Variants in BTF3L4 observed in about 807,000 individuals in gnomAD.
BTF3L4 encodes the protein basic transcription factor 3 like 4.
BTF3L4 carries 6 observed loss-of-function variants against 16.8 expected under a neutral mutation model. The observed-to-expected ratio is 0.36, with a 90% CI of 0.20 to 0.71. The LOEUF is 0.71. Among genes scored for constraint, BTF3L4 ranks in the 30% least tolerant of loss-of-function variants. The probability of loss-of-function intolerance (pLI) is 0.58; values close to 1 mark genes in which losing one functional copy is unlikely to be tolerated. For synonymous variants in BTF3L4, 39 were observed against 59.8 expected (o/e 0.65, Z 1.60); for missense variants, 92 against 186.9 (o/e 0.49, Z 2.96).
intron 1 of BTF3L4, among the ~76,000 whole-genome samples, chr1:52,058,564 G>T (rs2124409179): frequency 6.6e-6 from 1 of 150,932 alleles, no homozygotes; most frequent in South Asian, 2.1e-4. Flanking sequence ...GTAATGATTT[G>T]TTGATCTGCA....
intron 3 of BTF3L4, among the ~76,000 whole-genome samples, chr1:52,079,241 G>T (rs1230169173): frequency 6.6e-6 from 1 of 151,906 alleles, no homozygotes. Context: ...GAATTAGTCG[G>T]GCATGGTGGC....
At chr1:52,059,615 A>G (rs541723742) in intron 1 of BTF3L4, among the ~76,000 whole-genome samples, 2 of 152,186 alleles carry the variant, frequency 1.3e-5, no homozygotes, top group Non-Finnish European at 2.9e-5. Context: ...CTGTTTGTAT[A>G]TTTGATTCCC....
At position 52,087,392 on chromosome 1, in the gene BTF3L4, T is replaced by G. The variant is rs1278037498; in HGVS notation, c.*634T>G. ...TATGGTTGCCTTAGATTAACTTACC[T>G]AGTCAGACCCAGAAGAACTTCTTTT... On this transcript the variant is annotated 3_prime_UTR_variant, in exon 6 of 6. Transcript: ENST00000313334. 6.6e-6 allele frequency: 1 copy of G among 152,246 alleles called. No individual in the cohort carries two copies. The highest frequency in any genetic ancestry group is 1.5e-5 in the Non-Finnish European group (1 of 68,048). 9.4% of individuals were successfully genotyped at this position (152,246 alleles called of 1,614,324 possible). A position where few individuals can be genotyped will look rare whatever the true frequency, so the allele number is the denominator to read the frequency against.
chr1:52,083,532 C>G lies in BTF3L4; in HGVS notation c.361C>G (p.Pro121Ala). 1 of 1,612,176 alleles carries G rather than the reference C, an allele frequency of 6.2e-7. No individual in the cohort carries two copies. The highest frequency in any genetic ancestry group is 8.5e-7 in the Non-Finnish European group (1 of 1,178,560). Residue 121 changes from proline to alanine, a missense_variant, in exon 4 of 6, where the codon CCA becomes GCA. Transcript: ENST00000313334. ...TSLRKLAEQF[P>A]RQVLDSKAPK... ...CCTTAGGAAGTTAGCTGAACAGTTC[C>G]CACGGCAAGGTAGGTATTTCAATTT...
intron 3 of BTF3L4, among the ~76,000 whole-genome samples, chr1:52,068,647 A>G (rs1483991712): frequency 2.0e-5 from 3 of 151,994 alleles, no homozygotes; most frequent in African/African-American, 4.8e-5. Flanking sequence ...ACTTGATTAT[A>G]CTCATTCTTG....
intron 2 of BTF3L4, 93 bp from the exon 3 acceptor site, chr1:52,064,732 T>C (rs1481061197): frequency 1.6e-6 from 1 of 645,124 alleles, no homozygotes; most frequent in Non-Finnish European, 2.7e-6. Flanking sequence ...TTTTTTAATG[T>C]GGGTTTTAGA....
chr1:52,079,950 C>A (rs7556459), intron 3 of BTF3L4, among the ~76,000 whole-genome samples: 137,750 of 149,402 alleles, frequency 0.92, 64,358 homozygotes, highest in Non-Finnish European at 1. Flanking sequence ...GAGCTCACTG[C>A]AACCTCTTCC....
rs1643984565 is a variant in BTF3L4 at position 52,087,696 on chromosome 1, C to T, written c.*938C>T. ...GCTTGCTAAATAATTTTATGCCAGC[C>T]TTATCCTGTATCCTAGCTGTTCTTA... On this transcript the variant is annotated 3_prime_UTR_variant, in exon 6 of 6. Transcript: ENST00000313334. The T allele has an allele frequency of 6.6e-6, 1 of 152,482 alleles. No individual in the cohort carries two copies. The highest frequency in any genetic ancestry group is 2.4e-5 in the African/African-American group (1 of 41,434). The allele number at this position is 152,482 out of a possible 1,614,324, so 9.4% of individuals were successfully genotyped here.
intron 3 of BTF3L4, chr1:52,071,475 G>A (rs1259489946): frequency 6.6e-6 from 1 of 152,104 alleles, no homozygotes; most frequent in Non-Finnish European, 1.5e-5. Context: ...GAGTCTTGAC[G>A]GCTGGGAACA....
rs1421125090 is a variant in BTF3L4 at position 52,087,850 on chromosome 1, TAGG to T, written c.*1097_*1099del. 6.6e-6 allele frequency: 1 copy of T among 152,616 alleles called. No individual in the cohort carries two copies. Among genetic ancestry groups the T allele is most frequent in the African/African-American group, 2.4e-5 (1 of 41,452 alleles). 9.5% of individuals were successfully genotyped at this position (152,616 alleles called of 1,614,324 possible). A position where few individuals can be genotyped will look rare whatever the true frequency, so the allele number is the denominator to read the frequency against. ...GCATTCTATGAAATGGTACTGGCCC[TAGG>T]AGGATTTCCTCAACCACTCTCCTAC... On this transcript the variant is annotated 3_prime_UTR_variant, in exon 6 of 6. Coordinates refer to ENST00000313334, the MANE Select transcript of BTF3L4 (RefSeq NM_152265.5).
At chr1:52,076,543 G>A (rs1293836250) in intron 3 of BTF3L4, among the ~76,000 whole-genome samples, 13 of 149,784 alleles carry the variant, frequency 8.7e-5, no homozygotes, top group Admixed American at 3.3e-4. Context: ...GCAGTGAGCC[G>A]AGATCGCACC....
rs1459985877 is a variant in BTF3L4, at chr1:52,089,167, T to TA, written c.*2410dup. 3.9e-5 allele frequency: 6 copies of TA among 152,204 alleles called. No individual in the cohort carries two copies. Among genetic ancestry groups the TA allele is most frequent in the Admixed American group, 3.3e-4 (5 of 15,268 alleles). 9.4% of individuals were successfully genotyped at this position (152,204 alleles called of 1,614,324 possible). On this transcript the variant is annotated 3_prime_UTR_variant, in exon 6 of 6. Coordinates refer to ENST00000313334, the MANE Select transcript of BTF3L4 (RefSeq NM_152265.5). ...TTTATCATTTGTTCAGAGATGTCTT[T>TA]ATTTTTATTAATACCCATAAAACGT...
intron 3 of BTF3L4, among the ~76,000 whole-genome samples, chr1:52,082,808 A>G (rs949997562): frequency 6.6e-6 from 1 of 152,096 alleles, no homozygotes; most frequent in East Asian, 1.9e-4. Flanking sequence ...GAACAAGTTG[A>G]AATTTTTATA....
chr1:52,086,796 A>C lies in BTF3L4; in HGVS notation c.*38A>C, dbSNP rs763040071. 3 of 1,461,766 alleles carry C rather than the reference A, an allele frequency of 2.1e-6. No individual in the cohort carries two copies. The highest frequency in any genetic ancestry group is 3.8e-5 in the Admixed American group (2 of 52,694). 90.5% of individuals were successfully genotyped at this position (1,461,766 alleles called of 1,614,324 possible). The stretch of plus-strand genomic sequence containing the variant: ...TGGAAGCTGGCATGGACTAGATTTA[A>C]CAAATCAGCTATGTGGTTCCAAAGT... On this transcript the variant is annotated 3_prime_UTR_variant, in exon 6 of 6. Coordinates refer to ENST00000313334, the MANE Select transcript of BTF3L4 (RefSeq NM_152265.5).
rs1430869765 is a variant in BTF3L4, at chr1:52,089,446, T to C, written c.*2688T>C. 1.3e-5 allele frequency: 2 copies of C among 152,192 alleles called. No individual in the cohort carries two copies. 9.4% of individuals were successfully genotyped at this position (152,192 alleles called of 1,614,324 possible). A position where few individuals can be genotyped will look rare whatever the true frequency, so the allele number is the denominator to read the frequency against. ...TTCCTCCCTCTGGTGTGGGTAGACA[T>C]AGGGTAAGAGTTTGGATGAAACTTT... On this transcript the variant is annotated 3_prime_UTR_variant, in exon 6 of 6. Transcript: ENST00000313334.
At chr1:52,056,653 A>G (rs1686364975) in intron 1 of BTF3L4, among the ~76,000 whole-genome samples, 1 of 152,208 alleles carries the variant, frequency 6.6e-6, no homozygotes, top group African/African-American at 2.4e-5. Context: ...AGGCAGGTGG[A>G]CGCCCCTCCT....
intron 3 of BTF3L4, among the ~76,000 whole-genome samples, chr1:52,065,969 C>T (rs894016376): frequency 6.6e-6 from 1 of 151,832 alleles, no homozygotes. Context: ...ACCCAGGAGG[C>T]GGAGGTTACG....
At chr1:52,056,744 A>G (rs1430202899) in intron 1 of BTF3L4, among the ~76,000 whole-genome samples, 2 of 152,194 alleles carry the variant, frequency 1.3e-5, no homozygotes, top group Non-Finnish European at 2.9e-5. Flanking sequence ...ATCTCATTTG[A>G]TGCTCCCAGT....
At chr1:52,064,396 A>T (rs1686594349) in intron 2 of BTF3L4, among the ~76,000 whole-genome samples, 1 of 152,196 alleles carries the variant, frequency 6.6e-6, no homozygotes, top group Admixed American at 6.5e-5. Flanking sequence ...TGTAGACATT[A>T]ATTTTCAGTT....
Sources: gnomAD v4.1 joint callset for allele counts (sites outside exome capture counted in the v4.1 genomes callset) on GRCh38, gnomAD v4.1.1 for gene constraint, MANE v1.5 for transcripts, NCBI Gene and HGNC (gene_info 2026-07-23, HGNC 2026-07-21) for gene names.